The following ERN2 variants were observed in gnomAD, a reference collection of about 807,000 sequenced individuals.
ERN2 encodes serine/threonine-protein kinase/endoribonuclease IRE2.
ERN2 carries 111 observed loss-of-function variants against 107.9 expected under a neutral mutation model. The observed-to-expected ratio is 1.03, with a 90% CI of 0.88 to 1.20. The LOEUF (loss-of-function observed/expected upper bound fraction) is 1.20. Ranked by LOEUF, ERN2 falls within the 50% of genes most tolerant of loss-of-function variation. ERN2 has a pLI of 0.00. For synonymous variants in ERN2, 524 were observed against 501.7 expected, an observed-to-expected ratio of 1.04 and a Z score of -0.59; for missense variants, 1,225 against 1,197.9, an observed-to-expected ratio of 1.02 and a Z score of -0.33.
chr16:23,694,701 C>T, intron 17 of ERN2, 27 bp downstream of exon 17: 1 of 1,567,746 alleles, frequency 6.4e-7, no homozygotes, highest in Non-Finnish European at 8.6e-7. Context: ...CAGCTGTGTG[C>T]CTGGAGGACT....
chr16:23,702,738 T>C, intron 8 of ERN2, 36 bp from the exon 9 acceptor site: 1 of 1,549,106 alleles, frequency 6.5e-7, no homozygotes, highest in Non-Finnish European at 8.9e-7. Flanking sequence ...GAAGAATGAA[T>C]GCTGGTGATG....
intron 8 of ERN2, 139 bp from the exon 9 acceptor site, chr16:23,702,841 C>T: frequency 1.4e-6 from 1 of 738,642 alleles, no homozygotes; most frequent in South Asian, 1.7e-5. Context: ...ATCAATTAGA[C>T]AACAGCAAAT....
intron 13 of ERN2, 113 bp downstream of exon 13, chr16:23,700,426 A>G: frequency 3.9e-6 from 4 of 1,025,792 alleles, no homozygotes; most frequent in Non-Finnish European, 5.8e-6. Flanking sequence ...TTCTTAATTC[A>G]TGTAGACCTA....
intron 8 of ERN2, among the ~76,000 whole-genome samples, chr16:23,703,947 C>T (rs1037067876): frequency 2.6e-5 from 4 of 152,314 alleles, no homozygotes; most frequent in African/African-American, 9.6e-5. Context: ...ATAGTCTCTT[C>T]ACATATCTGT....
At chr16:23,693,599 A>ATAT (rs561633288) in intron 17 of ERN2, among the ~76,000 whole-genome samples, 218 of 135,100 alleles carry the variant, frequency 1.6e-3, no homozygotes, top group African/African-American at 5.6e-3. Context: ...CAAAAAAAAA[A>ATAT]AAATATATAT....
chr16:23,712,337 C>A, intron 1 of ERN2: 1 of 171,244 alleles, frequency 5.8e-6, no homozygotes, highest in Non-Finnish European at 1.3e-5. Flanking sequence ...ATGATTTCTA[C>A]AAAAAAACCA....
rs757728955 is a variant in ERN2, at chr16:23,691,128, C to T, written c.2568+1G>A. The T allele has an allele frequency of 1.2e-6, 2 of 1,614,038 alleles. No homozygotes were observed. Among genetic ancestry groups the T allele is most frequent in the South Asian group, 1.1e-5 (1 of 91,084 alleles). Reference sequence around the variant, plus strand: ...AGGCCCACCCAGGCCCCAACACATACCTTGTTCCTCACAGCACGGAGCAGG... The same window carrying T: ...AGGCCCACCCAGGCCCCAACACATATCTTGTTCCTCACAGCACGGAGCAGG... On this transcript the variant is annotated splice_donor_variant, in intron 21 of 21. Transcript: ENST00000256797. LOFTEE classifies it high-confidence loss of function.
rs538982905 is a variant in ERN2 at position 23,693,968 on chromosome 16, G to A, written c.2100+760C>T. Reference sequence around the variant, plus strand: ...CCAGGCAATTAGGTAAAAATCACGGGGTGTGGGGCCTGGGGTTTTGTTTGT... The same window carrying A: ...CCAGGCAATTAGGTAAAAATCACGGAGTGTGGGGCCTGGGGTTTTGTTTGT... On this transcript the variant is annotated intron_variant, in intron 17 of 21. Transcript: ENST00000256797. Among the ~76,000 whole-genome samples the A allele has an allele frequency of 2.9e-4, 44 of 152,188 alleles. No individual in the cohort carries two copies. The South Asian group carries it at 9.1e-3, about 32-fold the overall frequency.
intron 6 of ERN2, 77 bp downstream of exon 6, chr16:23,706,677 G>A: frequency 9.7e-7 from 1 of 1,029,814 alleles, no homozygotes. Context: ...ATTCAACTTG[G>A]TTAGCCACAG....
intron 8 of ERN2, among the ~76,000 whole-genome samples, chr16:23,704,535 C>T (rs1172835069): frequency 6.6e-6 from 1 of 152,314 alleles, no homozygotes; most frequent in East Asian, 1.9e-4. Context: ...CTTCCCCAGC[C>T]ACGTGGAACT....
rs767121679 is a variant in ERN2 at position 23,690,964 on chromosome 16, G to A, written c.2648C>T (p.Thr883Ile). 1.9e-6 allele frequency: 3 copies of A among 1,614,178 alleles called. No individual in the cohort carries two copies. In the South Asian group the frequency reaches 3.3e-5, roughly 18 times the overall value. The change falls in exon 22 of 22, where the codon ACA (threonine) becomes ATA (isoleucine). Residue 883 changes from threonine to isoleucine, a missense_variant. By Grantham distance (89) the Thr-to-Ile change is moderately conservative. Transcript: ENST00000256797. Reference sequence around the variant, plus strand: ...GAGGAGCAGCCGTGGGAAGCGGTTTGTGAAGTACTGGACGAAGCCATCAGG... The same window carrying A: ...GAGGAGCAGCCGTGGGAAGCGGTTTATGAAGTACTGGACGAAGCCATCAGG... Reference protein sequence around the residue: ...QVPDGFVQYFTNRFPRLLLHT... With the variant: ...QVPDGFVQYFINRFPRLLLHT...
At position 23,690,835 on chromosome 16, in the gene ERN2, C is replaced by T. The variant is rs1959554059; in HGVS notation, c.2777G>A (p.Arg926Lys). The change falls in exon 22 of 22, where the codon AGG (arginine) becomes AAG (lysine). Residue 926 changes from arginine to lysine, a missense_variant. Coordinates refer to ENST00000256797, the MANE Select transcript of ERN2 (RefSeq NM_033266.4). Reference protein sequence around the residue: ...ARRPCPGATGR With the variant: ...ARRPCPGATGK ...CTGTGTGGCATCCAGCCCACCTCACCTCCCTGTGGCCCCAGGGCATGGCCT... is the reference window on the plus strand; with the variant it reads ...CTGTGTGGCATCCAGCCCACCTCACTTCCCTGTGGCCCCAGGGCATGGCCT... 5 of 1,609,874 alleles carry T rather than the reference C, an allele frequency of 3.1e-6. No homozygotes were observed. Among genetic ancestry groups the T allele is most frequent in the Non-Finnish European group, 4.2e-6 (5 of 1,179,456 alleles).
At chr16:23,703,911 C>T (rs939739899) in intron 8 of ERN2, among the ~76,000 whole-genome samples, 1 of 152,164 alleles carries the variant, frequency 6.6e-6, no homozygotes, top group African/African-American at 2.4e-5. Flanking sequence ...CTACTTTCAT[C>T]TCATCCTTTA....
chr16:23,706,522 C>T, intron 6 of ERN2, 91 bp from the exon 7 acceptor site: 2 of 964,676 alleles, frequency 2.1e-6, no homozygotes, highest in Non-Finnish European at 1.6e-6. Flanking sequence ...GTGGGGGTTT[C>T]CTGAGCACAC....
Position 23,710,578 on chromosome 16 carries a change from C to T in ERN2, c.200-29G>A, listed in dbSNP as rs1233283843. The T allele has an allele frequency of 4.3e-6, 7 of 1,613,304 alleles. No homozygotes were observed. In the South Asian group the frequency reaches 7.7e-5, roughly 18 times the overall value. Reference sequence around the variant, plus strand: ...CAGGGACAGGGACACAGAACATAAGCAGTTTCCTCCAGACCCCACTGAAAA... The same window carrying T: ...CAGGGACAGGGACACAGAACATAAGTAGTTTCCTCCAGACCCCACTGAAAA... On this transcript the variant is annotated intron_variant, in intron 2 of 21. Transcript: ENST00000256797.
rs1398885140 is a variant in ERN2, at chr16:23,705,031, G to A, written c.706C>T (p.His236Tyr). 1 of 1,613,978 alleles carries A rather than the reference G, an allele frequency of 6.2e-7. No homozygotes were observed. The highest frequency in any genetic ancestry group is 1.1e-5 in the South Asian group (1 of 91,084). Residue 236 changes from histidine (H) to tyrosine (Y), a missense_variant, in exon 8 of 22, where the codon CAC becomes TAC. Coordinates refer to ENST00000256797, the MANE Select transcript of ERN2 (RefSeq NM_033266.4). Reference sequence around the variant, plus strand: ...GGCAGCTGGCGCAGGCCGTCCTGGTGCCAGGTGTAGACGCCCATCACAGGC... The same window carrying A: ...GGCAGCTGGCGCAGGCCGTCCTGGTACCAGGTGTAGACGCCCATCACAGGC... ...GVPVMGVYTW[H>Y]QDGLRQLPHL...
intron 7 of ERN2, 189 bp downstream of exon 7, chr16:23,706,141 G>C (rs1960297137): frequency 1.8e-6 from 1 of 546,424 alleles, no homozygotes; most frequent in African/African-American, 2.0e-5. Context: ...CCAGGGTTCA[G>C]GAGGGTCAGT....
intron 1 of ERN2, chr16:23,712,893 A>T (rs2141027669): frequency 1.9e-6 from 1 of 534,388 alleles, no homozygotes; most frequent in East Asian, 3.4e-5. Flanking sequence ...AGATCTCCCC[A>T]GCTAGGTATT....
chr16:23,705,424 A>G (rs1326262477), intron 7 of ERN2, among the ~76,000 whole-genome samples: 1 of 151,846 alleles, frequency 6.6e-6, no homozygotes, highest in Non-Finnish European at 1.5e-5. Context: ...GGATGGATCA[A>G]TCAGGGTGGC....
Sources: gnomAD v4.1 joint callset for allele counts (sites outside exome capture counted in the v4.1 genomes callset) on GRCh38, gnomAD v4.1.1 for gene constraint, MANE v1.5 for transcripts, NCBI Gene and HGNC (gene_info 2026-07-23, HGNC 2026-07-21) for gene names.